Variants in SGK3 observed in about 807,000 individuals in gnomAD.
SGK3 encodes the protein serine/threonine-protein kinase Sgk3.
SGK3 carries 47 observed loss-of-function variants against 68.5 expected under a neutral mutation model. The observed-to-expected ratio is 0.69, with a 90% CI of 0.54 to 0.87. The LOEUF is 0.87. SGK3 is among the 40% of genes least tolerant of loss of function. SGK3 has a pLI of 0.00. For synonymous variants in SGK3, 181 were observed against 189.1 expected (o/e 0.96, Z 0.35); for missense variants, 479 against 575.5 (o/e 0.83, Z 1.72).
chr8:66,838,030 T>C (rs1354363680), intron 10 of SGK3, among the ~76,000 whole-genome samples: 1 of 152,230 alleles, frequency 6.6e-6, no homozygotes, highest in African/African-American at 2.4e-5. Flanking sequence ...GCCCATTTAA[T>C]TTGCCATGGC....
chr8:66,714,156 TTA>T (rs1804570883), intron 1 of SGK3, among the ~76,000 whole-genome samples: 1 of 152,230 alleles, frequency 6.6e-6, no homozygotes, highest in Non-Finnish European at 1.5e-5. Flanking sequence ...ATGACATTAT[TTA>T]TATGACATAG....
intron 10 of SGK3, 31 bp from the exon 11 acceptor site, chr8:66,839,957 GATCCTAACATTCTCT>G: frequency 6.5e-7 from 1 of 1,535,164 alleles, no homozygotes. Context: ...ATGTGTGAAT[GATCCTAACATTCTCT>G]CTCCCCCCAC....
Position 66,843,547 on chromosome 8 carries a change from G to C in SGK3, c.1074G>C (p.Leu358Phe). ...TTCTGTATGAAATGCTGTATGGATT[G>C]GTATGTATTTCTATACCTCATTATT... is the stretch of plus-strand genomic sequence containing the variant. ...GAVLYEMLYGLPPFYCRDVAE... is the reference protein window; with the variant it reads ...GAVLYEMLYGFPPFYCRDVAE... Residue 358 changes from leucine (L) to phenylalanine (F), a missense_variant and splice_region_variant, in exon 14 of 17, where the codon TTG (leucine) becomes TTC (phenylalanine). Physicochemically the swap from Leu to Phe is conservative, Grantham distance 22. Around this residue, in one of 3 missense-constraint regions of SGK3, gnomAD observed 173 missense variants for 214.3 expected, o/e 0.81. Transcript: ENST00000521198. 1 of 1,612,634 alleles carries C rather than the reference G, an allele frequency of 6.2e-7. No individual in the cohort carries two copies. The highest frequency in any genetic ancestry group is 1.1e-5 in the South Asian group (1 of 90,934).
chr8:66,814,014 T>C, intron 5 of SGK3, 86 bp downstream of exon 5: 1 of 1,144,710 alleles, frequency 8.7e-7, no homozygotes, highest in Non-Finnish European at 1.2e-6. Flanking sequence ...TTGTTTGTTC[T>C]ATGAAATGTT....
chr8:66,780,087 A>C (rs894955296), intron 1 of SGK3, among the ~76,000 whole-genome samples: 2 of 152,238 alleles, frequency 1.3e-5, no homozygotes, highest in Admixed American at 6.5e-5. Flanking sequence ...TAAACACTAC[A>C]TAAGTATCAT....
intron 1 of SGK3, among the ~76,000 whole-genome samples, chr8:66,770,014 C>T (rs111441773): frequency 0.021 from 3,233 of 152,232 alleles, 71 homozygotes; most frequent in South Asian, 0.045. Flanking sequence ...AGTGCAGTGG[C>T]GCAATCTCCG....
chr8:66,788,757 A>G (rs1807313843), intron 1 of SGK3, among the ~76,000 whole-genome samples: 1 of 152,226 alleles, frequency 6.6e-6, no homozygotes, highest in Non-Finnish European at 1.5e-5. Flanking sequence ...GGGAAATCCT[A>G]GAAGCCATCA....
chr8:66,717,624 C>T (rs903331801), intron 1 of SGK3, among the ~76,000 whole-genome samples: 7 of 152,134 alleles, frequency 4.6e-5, no homozygotes, highest in South Asian at 2.1e-4. Flanking sequence ...CTGAATGAAA[C>T]GTATTCAAGG....
intron 14 of SGK3, among the ~76,000 whole-genome samples, chr8:66,846,848 G>A (rs530184805): frequency 1.3e-5 from 2 of 152,274 alleles, no homozygotes; most frequent in South Asian, 4.1e-4. Flanking sequence ...TGTTTGATCT[G>A]TCTTGAACTT....
chr8:66,764,322 C>T (rs1806255118), intron 1 of SGK3, among the ~76,000 whole-genome samples: 1 of 151,936 alleles, frequency 6.6e-6, no homozygotes, highest in South Asian at 2.1e-4. Context: ...GAAGGAATTC[C>T]CCTTATCAGT....
rs969568698 is a variant in SGK3 at position 66,720,725 on chromosome 8, G to A, written c.-122+7892G>A. ...GTGGAGGTTGCAGTGAGCCAAGATC[G>A]CACCACTGCACTCCAGCCTGGGTGA... On this transcript the variant is annotated intron_variant, in intron 1 of 16. Coordinates refer to ENST00000521198, the MANE Select transcript of SGK3 (RefSeq NM_001033578.3). Among the ~76,000 whole-genome samples the A allele has an allele frequency of 3.3e-5, 5 of 151,412 alleles. No homozygotes were observed. The East Asian group carries it at 5.8e-4, about 18-fold the overall frequency.
chr8:66,762,143 A>G (rs747892289), intron 1 of SGK3, among the ~76,000 whole-genome samples: 1 of 152,070 alleles, frequency 6.6e-6, no homozygotes, highest in East Asian at 1.9e-4. Flanking sequence ...TAACTTTTGT[A>G]TTTTTAGTAG....
chr8:66,836,344 CAT>C (rs1809532036), intron 10 of SGK3, among the ~76,000 whole-genome samples: 1 of 152,126 alleles, frequency 6.6e-6, no homozygotes, highest in Non-Finnish European at 1.5e-5. Flanking sequence ...GCAAGAATAA[CAT>C]ATTGAAATAT....
intron 1 of SGK3, among the ~76,000 whole-genome samples, chr8:66,745,891 C>T (rs1014375927): frequency 8.5e-5 from 13 of 152,090 alleles, no homozygotes; most frequent in African/African-American, 3.1e-4. Context: ...TCCTACAAGC[C>T]CTTTTTTTAG....
At chr8:66,844,807 T>A (rs1809941840) in intron 14 of SGK3, among the ~76,000 whole-genome samples, 1 of 152,252 alleles carries the variant, frequency 6.6e-6, no homozygotes, top group African/African-American at 2.4e-5. Context: ...TTTATCTTGC[T>A]AGTTTCGAAT....
chr8:66,798,065 T>TGG (rs1365655632), intron 2 of SGK3, among the ~76,000 whole-genome samples: 1 of 152,020 alleles, frequency 6.6e-6, no homozygotes, highest in Non-Finnish European at 1.5e-5. Context: ...TGGAGTACAG[T>TGG]GGTGTGATCT....
At chr8:66,715,025 T>G (rs1164342791) in intron 1 of SGK3, among the ~76,000 whole-genome samples, 3 of 152,242 alleles carry the variant, frequency 2.0e-5, no homozygotes, top group Non-Finnish European at 4.4e-5. Context: ...CTGAGAGATT[T>G]CCAGGCCTAA....
At chr8:66,858,763 A>T (rs553128314) in intron 16 of SGK3, among the ~76,000 whole-genome samples, 1 of 152,252 alleles carries the variant, frequency 6.6e-6, no homozygotes, top group South Asian at 2.1e-4. Context: ...ACTTTCTGTA[A>T]AACATTATGA....
chr8:66,810,040 C>T (rs541785597), intron 4 of SGK3, among the ~76,000 whole-genome samples: 3 of 152,098 alleles, frequency 2.0e-5, no homozygotes, highest in South Asian at 2.1e-4. Flanking sequence ...CACCATATTC[C>T]GCTCATTAGA....
Sources: gnomAD v4.1 joint callset for allele counts (sites outside exome capture counted in the v4.1 genomes callset) on GRCh38, gnomAD v4.1.1 for gene constraint, gnomAD v4.1.1 regional missense constraint, MANE v1.5 for transcripts, NCBI Gene and HGNC (gene_info 2026-07-23, HGNC 2026-07-21) for gene names.